ANKS1A: variants seen among roughly 807,000 people sequenced by gnomAD.
ANKS1A encodes the protein ankyrin repeat and sterile alpha motif domain containing 1A, also known as ankyrin repeat and SAM domain-containing protein 1A.
ANKS1A carries 55 observed loss-of-function variants against 120.3 expected under a neutral mutation model. The observed-to-expected ratio is 0.46, with a 90% CI of 0.37 to 0.57. ANKS1A has a LOEUF of 0.57. Among genes scored for constraint, ANKS1A ranks in the 20% least tolerant of loss-of-function variants. ANKS1A has a pLI of 0.00. For synonymous variants in ANKS1A, 590 were observed against 604.7 expected, an observed-to-expected ratio of 0.98 and a Z score of 0.36; for missense variants, 1,123 against 1,480.3, an observed-to-expected ratio of 0.76 and a Z score of 3.96.
At chr6:34,959,200 CTG>C (rs1770516201) in intron 1 of ANKS1A, among the ~76,000 whole-genome samples, 1 of 152,220 alleles carries the variant, frequency 6.6e-6, no homozygotes, top group Non-Finnish European at 1.5e-5. Flanking sequence ...TCTTCTGTCG[CTG>C]TGTTTTATGT....
rs1309100379 is a variant in ANKS1A, at chr6:35,082,034, T to C, written c.2710-657T>C. Among the ~76,000 whole-genome samples, 1 of 152,214 alleles carries C rather than the reference T, an allele frequency of 6.6e-6. No homozygotes were observed. On this transcript the variant is annotated intron_variant, in intron 17 of 23. Coordinates refer to ENST00000360359, the MANE Select transcript of ANKS1A (RefSeq NM_015245.3). The surrounding 1 kb of genome is among the most constrained non-coding windows in gnomAD (Gnocchi z 4.1). ...AGTTTTAAAGGATTTTTAAACACAT[T>C]GTCCAGCAATTCCGGTTGCTGTTGA...
intron 1 of ANKS1A, among the ~76,000 whole-genome samples, chr6:34,909,523 A>G (rs1213815321): frequency 6.6e-6 from 1 of 152,244 alleles, no homozygotes; most frequent in East Asian, 1.9e-4. Flanking sequence ...CTCTCTTGGG[A>G]AGCAGAATGA....
At chr6:34,991,751 CACACATATATATATACACATATATAT>C (rs1561897145) in intron 9 of ANKS1A, among the ~76,000 whole-genome samples, 1 of 28,044 alleles carries the variant, frequency 3.6e-5, no homozygotes. Context: ...TACATATATA[CACACATATATATATACACATATATAT>C]ACACACATAT....
chr6:34,982,967 A>C lies in ANKS1A; in HGVS notation c.808+140A>C. On this transcript the variant is annotated intron_variant, in intron 5 of 23. Transcript: ENST00000360359. The surrounding 1 kb of genome is among the most constrained non-coding windows in gnomAD (Gnocchi z 4.9). Reference sequence around the variant, plus strand: ...CCACTGGTTGATTACAAGTGTGTAAACTGTTCTTGAATAGCTGGATTAAAT... The same window carrying C: ...CCACTGGTTGATTACAAGTGTGTAACCTGTTCTTGAATAGCTGGATTAAAT... The C allele has an allele frequency of 2.4e-6, 3 of 1,263,518 alleles. No individual in the cohort carries two copies. The highest frequency in any genetic ancestry group is 3.4e-6 in the Non-Finnish European group (3 of 871,076). The allele number at this position is 1,263,518 out of a possible 1,614,324, so 78.3% of individuals were successfully genotyped here. A position where few individuals can be genotyped will look rare whatever the true frequency, so the allele number is the denominator to read the frequency against.
At position 35,074,914 on chromosome 6, in the gene ANKS1A, G is replaced by A. The variant is rs569730391; in HGVS notation, c.2185-3644G>A. Among the ~76,000 whole-genome samples the A allele has an allele frequency of 2.6e-5, 4 of 152,328 alleles. No homozygotes were observed. The South Asian group carries it at 8.3e-4, about 32-fold the overall frequency. Reference sequence around the variant, plus strand: ...GGCCAGCAGTCACCACACGGGGCGGGGGCCAAGCAAGTCATGGTCTGCATG... The same window carrying A: ...GGCCAGCAGTCACCACACGGGGCGGAGGCCAAGCAAGTCATGGTCTGCATG... On this transcript the variant is annotated intron_variant, in intron 13 of 23. Coordinates refer to ENST00000360359, the MANE Select transcript of ANKS1A (RefSeq NM_015245.3).
rs1775603084 is a variant in ANKS1A, at chr6:35,044,043, T to C, written c.2011-10056T>C. 6.6e-6 allele frequency among the ~76,000 whole-genome samples: 1 copy of C among 152,238 alleles called. No homozygotes were observed. The highest frequency in any genetic ancestry group is 2.1e-4 in the South Asian group (1 of 4,834). On this transcript the variant is annotated intron_variant, in intron 11 of 23. Coordinates refer to ENST00000360359, the MANE Select transcript of ANKS1A (RefSeq NM_015245.3). This position sits in a 1 kb window ranked among gnomAD's most constrained non-coding sequence, Gnocchi z 4.4. Reference sequence around the variant, plus strand: ...AGGTTCTTTTACACTGGTTCCATAATTTATGTAATGTTTAATTAAATTTTC... The same window carrying C: ...AGGTTCTTTTACACTGGTTCCATAACTTATGTAATGTTTAATTAAATTTTC...
chr6:34,977,801 G>C (rs531216061), intron 3 of ANKS1A, among the ~76,000 whole-genome samples: 1 of 152,076 alleles, frequency 6.6e-6, no homozygotes, highest in South Asian at 2.1e-4. Flanking sequence ...TTTTTCTAGG[G>C]CCTGTACTTT....
chr6:34,929,819 TTCTC>T (rs1183256551), intron 1 of ANKS1A, among the ~76,000 whole-genome samples: 13 of 138,512 alleles, frequency 9.4e-5, no homozygotes, highest in Admixed American at 9.3e-4. Flanking sequence ...CTCTCTCTCT[TTCTC>T]TTTCTTTCTT....
chr6:35,016,426 G>A (rs779356308), intron 10 of ANKS1A, among the ~76,000 whole-genome samples: 1 of 152,228 alleles, frequency 6.6e-6, no homozygotes, highest in Non-Finnish European at 1.5e-5. Context: ...GCTGGACATA[G>A]TGTTATTTAC....
chr6:35,086,888 G>T lies in ANKS1A; in HGVS notation c.3304-64G>T. ...ACAGCCTGGCCTGGGGGTGGGAGGG[G>T]CCTGCTGCCTCCAGCCCTGGCACAG... is the stretch of plus-strand genomic sequence containing the variant. On this transcript the variant is annotated intron_variant, in intron 22 of 23. Coordinates refer to ENST00000360359, the MANE Select transcript of ANKS1A (RefSeq NM_015245.3). This position sits in a 1 kb window ranked among gnomAD's most constrained non-coding sequence, Gnocchi z 5.1. 6.6e-7 allele frequency: 1 copy of T among 1,506,928 alleles called. No individual in the cohort carries two copies. The allele number at this position is 1,506,928 out of a possible 1,614,324, so 93.3% of individuals were successfully genotyped here.
chr6:34,936,732 A>G (rs948610526), intron 1 of ANKS1A, among the ~76,000 whole-genome samples: 4 of 152,310 alleles, frequency 2.6e-5, no homozygotes, highest in Admixed American at 6.5e-5. Flanking sequence ...CATTCACTCC[A>G]TCTCCAACAT....
In ANKS1A at chr6:35,091,265, A is replaced by AATC. The variant is rs2127621749; in HGVS notation, c.*2657_*2659dup. On this transcript the variant is annotated 3_prime_UTR_variant, in exon 24 of 24. Transcript: ENST00000360359. ...ACACTTTGAGGTACCAAACATAACC[A>AATC]ATCTGTGCAACAACATAGACTGACC... is the stretch of plus-strand genomic sequence containing the variant. The AATC allele has an allele frequency of 1.1e-5, 11 of 985,898 alleles. No homozygotes were observed. Among genetic ancestry groups the AATC allele is most frequent in the Admixed American group, 6.1e-5 (1 of 16,294 alleles). 61.1% of individuals were successfully genotyped at this position (985,898 alleles called of 1,614,324 possible). A position where few individuals can be genotyped will look rare whatever the true frequency, so the allele number is the denominator to read the frequency against.
chr6:35,043,065 A>C (rs1402013986), intron 11 of ANKS1A, among the ~76,000 whole-genome samples: 1 of 152,166 alleles, frequency 6.6e-6, no homozygotes, highest in East Asian at 1.9e-4. Flanking sequence ...CGTGCCTTAC[A>C]GTCTGTCAGG....
At chr6:35,092,607 C>T (rs1039669052), downstream of ANKS1A, among the ~76,000 whole-genome samples, 12 of 152,184 alleles carry the variant, frequency 7.9e-5, no homozygotes, top group East Asian at 7.7e-4. Flanking sequence ...CTGGCTATGG[C>T]GCTCTTTCCT....
downstream of ANKS1A, among the ~76,000 whole-genome samples, chr6:35,094,862 C>G (rs922154239): frequency 6.6e-6 from 1 of 152,028 alleles, no homozygotes; most frequent in African/African-American, 2.4e-5. Flanking sequence ...TACTCGAGGC[C>G]GGGTATTGTG....
In ANKS1A at chr6:35,084,564, G is replaced by A. The variant is rs1396436001; in HGVS notation, c.3132+306G>A. Among the ~76,000 whole-genome samples the A allele has an allele frequency of 6.6e-6, 1 of 151,054 alleles. No homozygotes were observed. The highest frequency in any genetic ancestry group is 1.9e-4 in the East Asian group (1 of 5,136). On this transcript the variant is annotated intron_variant, in intron 21 of 23. Transcript: ENST00000360359. The surrounding 1 kb of genome is among the most constrained non-coding windows in gnomAD (Gnocchi z 4.8). ...GCTTGCCTTGCACTCCTGGGTTCAG[G>A]CAAGTTACCCACCTCAGCCTCCCAC... is the stretch of plus-strand genomic sequence containing the variant.
At position 34,979,010 on chromosome 6, in the gene ANKS1A, C is replaced by T. The variant is rs1165383384; in HGVS notation, c.436-2680C>T. On this transcript the variant is annotated intron_variant, in intron 3 of 23. Transcript: ENST00000360359. Reference sequence around the variant, plus strand: ...TCCTGGGTTCACGCCATTCTCTTGCCTCAGCCTCCCGAGTAGCTGGTACTA... The same window carrying T: ...TCCTGGGTTCACGCCATTCTCTTGCTTCAGCCTCCCGAGTAGCTGGTACTA... 3.3e-5 allele frequency among the ~76,000 whole-genome samples: 5 copies of T among 151,728 alleles called. No individual in the cohort carries two copies. The South Asian group carries it at 1.0e-3, about 32-fold the overall frequency.
In ANKS1A at chr6:34,895,766, T is replaced by A. The variant is rs1767036562; in HGVS notation, c.197+6167T>A. On this transcript the variant is annotated intron_variant, in intron 1 of 23. Coordinates refer to ENST00000360359, the MANE Select transcript of ANKS1A (RefSeq NM_015245.3). ...ATCTTAATTAATTAAAAATAGTTTTTCAAGAATGTCTTTCTTTTTTTTTTT... is the reference window on the plus strand; with the variant it reads ...ATCTTAATTAATTAAAAATAGTTTTACAAGAATGTCTTTCTTTTTTTTTTT... Among the ~76,000 whole-genome samples, 3 of 149,952 alleles carry A rather than the reference T, an allele frequency of 2.0e-5. No individual in the cohort carries two copies. In the South Asian group the frequency reaches 6.3e-4, roughly 31 times the overall value.
intron 10 of ANKS1A, among the ~76,000 whole-genome samples, chr6:35,001,507 A>C (rs932523075): frequency 6.6e-6 from 1 of 152,230 alleles, no homozygotes. Flanking sequence ...AGTCATGCCA[A>C]GCTCTCTCTG....
Sources: gnomAD v4.1 joint callset for allele counts (sites outside exome capture counted in the v4.1 genomes callset) on GRCh38, gnomAD v4.1.1 for gene constraint, Gnocchi (gnomAD v3.1) non-coding constraint, MANE v1.5 for transcripts, NCBI Gene and HGNC (gene_info 2026-07-23, HGNC 2026-07-21) for gene names.